Variants in NCOA2 observed in about 807,000 individuals in gnomAD.
The protein encoded by NCOA2 is class E basic helix-loop-helix protein 75.
A neutral mutation model predicts 145.1 loss-of-function variants in NCOA2; 21 were observed. That is an observed-to-expected ratio of 0.14 (90% CI 0.10 to 0.21). The LOEUF is 0.21. Among genes scored for constraint, NCOA2 ranks in the 10% least tolerant of loss-of-function variants. NCOA2 has a pLI of 1.00. For synonymous variants in NCOA2, 619 were observed against 637.5 expected, an observed-to-expected ratio of 0.97 and a Z score of 0.44; for missense variants, 1,472 against 1,837.6, an observed-to-expected ratio of 0.80 and a Z score of 3.64.
the NCOA2 span, among the ~76,000 whole-genome samples, chr8:70,430,414 G>A: frequency 6.6e-6 from 1 of 152,068 alleles, no homozygotes; most frequent in Admixed American, 6.5e-5. Context: ...TTTATAAAGG[G>A]ATAATTGGCA....
the NCOA2 span, among the ~76,000 whole-genome samples, chr8:70,415,176 T>C: frequency 6.8e-6 from 1 of 147,414 alleles, no homozygotes; most frequent in East Asian, 2.0e-4. Flanking sequence ...GAGTTTTTTA[T>C]TTTTTTTTTT....
At chr8:70,386,183 T>C (rs1226405914) in intron 1 of NCOA2, among the ~76,000 whole-genome samples, 1 of 152,194 alleles carries the variant, frequency 6.6e-6, no homozygotes, top group Non-Finnish European at 1.5e-5. Context: ...ACTTGAAAAC[T>C]CTCTTTAAAA....
intron 1 of NCOA2, among the ~76,000 whole-genome samples, chr8:70,391,189 A>T (rs1563838446): frequency 6.6e-6 from 1 of 152,226 alleles, no homozygotes; most frequent in Admixed American, 6.5e-5. Context: ...GTATTCAAGA[A>T]ACTGAAGTTA....
chr8:70,372,177 G>C (rs1034047890), intron 1 of NCOA2, among the ~76,000 whole-genome samples: 1 of 152,040 alleles, frequency 6.6e-6, no homozygotes, highest in Admixed American at 6.5e-5. Flanking sequence ...AAACCCTACA[G>C]ACAAAAACCA....
chr8:70,339,145 G>A (rs552706245), intron 1 of NCOA2, among the ~76,000 whole-genome samples: 4 of 152,210 alleles, frequency 2.6e-5, no homozygotes, highest in African/African-American at 7.2e-5. Flanking sequence ...AAGTCAAATT[G>A]TCTTTGTTTG....
intron 15 of NCOA2, among the ~76,000 whole-genome samples, chr8:70,135,793 A>G (rs914434250): frequency 6.6e-6 from 1 of 152,182 alleles, no homozygotes; most frequent in Non-Finnish European, 1.5e-5. Context: ...GTGCAAAATA[A>G]TAACTAATAA....
chr8:70,146,854 C>T (rs1380115794), intron 12 of NCOA2, among the ~76,000 whole-genome samples: 3 of 151,842 alleles, frequency 2.0e-5, no homozygotes, highest in Non-Finnish European at 4.4e-5. Context: ...CACCATCATG[C>T]CCAGCAAATT....
chr8:70,257,630 G>A (rs756748263), intron 2 of NCOA2, among the ~76,000 whole-genome samples: 1 of 152,190 alleles, frequency 6.6e-6, no homozygotes, highest in Non-Finnish European at 1.5e-5. Flanking sequence ...GCCTCACATC[G>A]CTACTGCCAA....
intron 1 of NCOA2, among the ~76,000 whole-genome samples, chr8:70,369,796 G>A (rs1811044927): frequency 6.6e-6 from 1 of 151,988 alleles, no homozygotes; most frequent in Non-Finnish European, 1.5e-5. Flanking sequence ...TCTGTCCCAG[G>A]CACATTATAC....
At chr8:70,277,662 C>T (rs1044824042) in intron 2 of NCOA2, among the ~76,000 whole-genome samples, 5 of 152,100 alleles carry the variant, frequency 3.3e-5, no homozygotes, top group African/African-American at 7.2e-5. Context: ...TTTTAGGTCA[C>T]GTTTATACAC....
intron 2 of NCOA2, chr8:70,245,166 TAACCC>T (rs1229876485): frequency 1.3e-5 from 2 of 152,118 alleles, no homozygotes; most frequent in Non-Finnish European, 2.9e-5. Flanking sequence ...TCTCCTCTGT[TAACCC>T]AAACCAACAT....
At position 70,394,899 on chromosome 8, in the gene NCOA2, A is replaced by C. The variant is rs115974903; in HGVS notation, c.-77+8801T>G. Among the ~76,000 whole-genome samples, 896 of 152,350 alleles carry C rather than the reference A, an allele frequency of 5.9e-3. 5 individuals are homozygous for C. The highest frequency in any genetic ancestry group is 0.02 in the African/African-American group (836 of 41,574). ...AACTAACTCCAACAACAAATCAGCCAATACCTCACCACTCTTGGGTTAAGC... is the reference window on the plus strand; with the variant it reads ...AACTAACTCCAACAACAAATCAGCCCATACCTCACCACTCTTGGGTTAAGC... On this transcript the variant is annotated intron_variant, in intron 1 of 22. Transcript: ENST00000452400.
At chr8:70,398,270 G>A (rs1180207454) in intron 1 of NCOA2, among the ~76,000 whole-genome samples, 2 of 152,056 alleles carry the variant, frequency 1.3e-5, no homozygotes, top group Non-Finnish European at 2.9e-5. Context: ...CCAGCCTGGG[G>A]CAACATCGCA....
At chr8:70,116,877 C>G (rs958336358) in intron 22 of NCOA2, among the ~76,000 whole-genome samples, 5 of 152,128 alleles carry the variant, frequency 3.3e-5, no homozygotes, top group African/African-American at 9.7e-5. Flanking sequence ...AAGATGGTAA[C>G]AGAGAGGTGC....
At chr8:70,119,336 T>G (rs1454780440) in intron 22 of NCOA2, among the ~76,000 whole-genome samples, 1 of 152,200 alleles carries the variant, frequency 6.6e-6, no homozygotes, top group Non-Finnish European at 1.5e-5. Flanking sequence ...CTGCCTTATC[T>G]CAGTTAAGAT....
At chr8:70,377,858 C>G (rs1162698140) in intron 1 of NCOA2, among the ~76,000 whole-genome samples, 1 of 152,102 alleles carries the variant, frequency 6.6e-6, no homozygotes, top group Non-Finnish European at 1.5e-5. Flanking sequence ...CAAAAAAGCA[C>G]AGGATTTTAA....
intron 2 of NCOA2, among the ~76,000 whole-genome samples, chr8:70,226,603 A>G (rs1252000691): frequency 6.6e-6 from 1 of 151,254 alleles, no homozygotes; most frequent in Admixed American, 6.6e-5. Context: ...TAATTCTATA[A>G]CAATTTCCAA....
intron 1 of NCOA2, among the ~76,000 whole-genome samples, chr8:70,386,173 A>T (rs542777851): frequency 2.6e-5 from 4 of 152,346 alleles, no homozygotes; most frequent in African/African-American, 9.6e-5. Flanking sequence ...ATCAAAAGTC[A>T]CTTGAAAACT....
chr8:70,180,516 T>C (rs188741225), intron 4 of NCOA2, among the ~76,000 whole-genome samples: 16 of 152,322 alleles, frequency 1.1e-4, no homozygotes, highest in Non-Finnish European at 1.8e-4. Flanking sequence ...TTATATTCCA[T>C]AGGTTTTTTT....
Sources: gnomAD v4.1 joint callset for allele counts (sites outside exome capture counted in the v4.1 genomes callset) on GRCh38, gnomAD v4.1.1 for gene constraint, MANE v1.5 for transcripts, NCBI Gene and HGNC (gene_info 2026-07-23, HGNC 2026-07-21) for gene names.